EGFR: variants seen among roughly 807,000 people sequenced by gnomAD.
The protein encoded by EGFR is avian erythroblastic leukemia viral (v-erb-b) oncogene homolog.
In EGFR, 58 loss-of-function variants were observed where a neutral mutation model predicts 143.0. The observed-to-expected ratio is 0.41, with a 90% CI of 0.33 to 0.50. The LOEUF (loss-of-function observed/expected upper bound fraction) is 0.50. EGFR is among the 20% of genes least tolerant of loss of function. The pLI is 0.39. For synonymous variants in EGFR, 613 were observed against 594.4 expected, an observed-to-expected ratio of 1.03 and a Z score of -0.45; for missense variants, 1,307 against 1,579.0, an observed-to-expected ratio of 0.83 and a Z score of 2.92.
chr7:55,078,955 C>T (rs949179621), intron 1 of EGFR, among the ~76,000 whole-genome samples: 1 of 152,186 alleles, frequency 6.6e-6, no homozygotes, highest in African/African-American at 2.4e-5. Context: ...ACCTCTTTCC[C>T]CACCCCAGGG....
chr7:55,091,890 A>ACACACACCCC (rs1343006974), intron 1 of EGFR, among the ~76,000 whole-genome samples: 1 of 96,640 alleles, frequency 1.0e-5, no homozygotes, highest in Non-Finnish European at 2.2e-5. Context: ...ACACACACAC[A>ACACACACCCC]CCCTGAGAGA....
intron 1 of EGFR, among the ~76,000 whole-genome samples, chr7:55,046,179 G>A (rs1465170366): frequency 3.3e-5 from 5 of 152,070 alleles, no homozygotes; most frequent in South Asian, 4.2e-4. Flanking sequence ...GAAACATGTC[G>A]CATGCTCTTT....
chr7:55,027,639 T>G (rs758529249), intron 1 of EGFR, among the ~76,000 whole-genome samples: 4 of 152,170 alleles, frequency 2.6e-5, no homozygotes, highest in Non-Finnish European at 4.4e-5. Flanking sequence ...ACAGCACAAT[T>G]TTCCCTAAAA....
chr7:55,143,447 A>C lies in EGFR; in HGVS notation c.383A>C (p.Asn128Thr). The change falls in exon 3 of 28, where the codon AAT (asparagine) becomes ACT (threonine). Residue 128 changes from asparagine (N) to threonine (T), a missense_variant. By Grantham distance (65) the Asn-to-Thr change is moderately conservative. This residue lies in a region of EGFR where 311 missense variants were observed against 412.3 expected (regional missense o/e 0.75). Transcript: ENST00000275493. ...ALAVLSNYDA[N>T]KTGLKELPMR... The stretch of plus-strand genomic sequence containing the variant: ...GCAGTCTTATCTAACTATGATGCAA[A>C]TAAAACCGGACTGAAGGAGCTGCCC... 1 of 1,614,248 alleles carries C rather than the reference A, an allele frequency of 6.2e-7. No homozygotes were observed. The highest frequency in any genetic ancestry group is 1.3e-5 in the African/African-American group (1 of 75,060).
chr7:55,037,474 C>T (rs530367752), intron 1 of EGFR, among the ~76,000 whole-genome samples: 11 of 152,306 alleles, frequency 7.2e-5, no homozygotes, highest in South Asian at 2.1e-4. Context: ...TTAAGCATAA[C>T]GTAGCTTTGC....
intron 1 of EGFR, among the ~76,000 whole-genome samples, chr7:55,113,450 C>A (rs1216941520): frequency 2.0e-5 from 3 of 152,152 alleles, no homozygotes. Flanking sequence ...CAGCAATTCC[C>A]CTCTCCCATG....
At chr7:55,151,271 C>T (rs2128932382) in intron 4 of EGFR, 23 bp from the exon 5 acceptor site, 1 of 1,612,376 alleles carries the variant, frequency 6.2e-7, no homozygotes, top group Non-Finnish European at 8.5e-7. Context: ...CTGAGATATG[C>T]ATCTATTACT....
intron 1 of EGFR, among the ~76,000 whole-genome samples, chr7:55,084,883 C>G (rs1790664247): frequency 6.6e-6 from 1 of 152,166 alleles, no homozygotes; most frequent in Admixed American, 6.5e-5. Context: ...CAGGGCTCAC[C>G]TGCTGTCTTC....
Position 55,118,497 on chromosome 7 carries a change from C to T in EGFR, c.89-23789C>T, listed in dbSNP as rs558464190. ...GGACCAGCCTCTGAACACATTTCTC[C>T]CCCACTCCCCGGCTGTGTGGAAGGT... is the stretch of plus-strand genomic sequence containing the variant. On this transcript the variant is annotated intron_variant, in intron 1 of 27. Transcript: ENST00000275493. 1.6e-4 allele frequency among the ~76,000 whole-genome samples: 24 copies of T among 152,248 alleles called. 1 individual carries two copies. The South Asian group carries it at 3.9e-3, about 25-fold the overall frequency.
At chr7:55,185,216 A>G (rs894600013) in intron 20 of EGFR, among the ~76,000 whole-genome samples, 2 of 152,208 alleles carry the variant, frequency 1.3e-5, no homozygotes, top group African/African-American at 2.4e-5. Flanking sequence ...CATGAGAGAG[A>G]CATCCCTTGC....
intron 20 of EGFR, among the ~76,000 whole-genome samples, chr7:55,190,413 G>C (rs530862248): frequency 6.6e-6 from 1 of 152,098 alleles, no homozygotes; most frequent in South Asian, 2.1e-4. Flanking sequence ...ATCTTTGCGA[G>C]ACCCTAGGTT....
At chr7:55,116,321 G>C (rs1259541728) in intron 1 of EGFR, among the ~76,000 whole-genome samples, 1 of 152,080 alleles carries the variant, frequency 6.6e-6, no homozygotes, top group Non-Finnish European at 1.5e-5. Context: ...TCCCACCCCT[G>C]GCCGCTGTCC....
intron 3 of EGFR, 55 bp from the exon 4 acceptor site, chr7:55,146,551 A>G (rs944373479): frequency 1.7e-5 from 28 of 1,611,894 alleles, no homozygotes; most frequent in Admixed American, 1.3e-4. Flanking sequence ...TGCATCCTTC[A>G]TGGGAATTTA....
chr7:55,181,499 C>A, intron 20 of EGFR, 21 bp downstream of exon 20: 1 of 1,614,096 alleles, frequency 6.2e-7, no homozygotes, highest in African/African-American at 1.3e-5. Flanking sequence ...AAGGGAGATA[C>A]GGGGAGGGGA....
intron 1 of EGFR, among the ~76,000 whole-genome samples, chr7:55,116,077 A>G (rs1792824384): frequency 6.6e-6 from 1 of 152,216 alleles, no homozygotes. Context: ...AACCTTACTC[A>G]TTTTAATACC....
At chr7:55,149,607 C>T (rs537202087) in intron 4 of EGFR, among the ~76,000 whole-genome samples, 58 of 152,206 alleles carry the variant, frequency 3.8e-4, no homozygotes, top group Non-Finnish European at 6.9e-4. Context: ...TGGCAATATG[C>T]CTGCAATATG....
chr7:55,038,507 C>T lies in EGFR; in HGVS notation c.88+19142C>T, dbSNP rs950211681. Among the ~76,000 whole-genome samples the T allele has an allele frequency of 1.4e-4, 22 of 152,310 alleles. No individual in the cohort carries two copies. In the South Asian group the frequency reaches 3.7e-3, roughly 26 times the overall value. On this transcript the variant is annotated intron_variant, in intron 1 of 27. Coordinates refer to ENST00000275493, the MANE Select transcript of EGFR (RefSeq NM_005228.5). ...ACTGTGTGCTTGTGGGATGCAAACA[C>T]ACGTGTGGTCCCTGCCCTCAGGTTA...
At chr7:55,042,569 G>A (rs975287616) in intron 1 of EGFR, among the ~76,000 whole-genome samples, 2 of 152,090 alleles carry the variant, frequency 1.3e-5, no homozygotes, top group Non-Finnish European at 2.9e-5. Flanking sequence ...GCATGGATGT[G>A]GGAAAAAGTC....
At chr7:55,156,416 G>A in intron 8 of EGFR, 117 bp from the exon 9 acceptor site, 1 of 1,411,056 alleles carries the variant, frequency 7.1e-7, no homozygotes, top group South Asian at 1.2e-5. Flanking sequence ...GAAGGATGAT[G>A]TGGCAGTGGC....
Sources: allele counts gnomAD v4.1 joint callset (sites outside exome capture counted in the v4.1 genomes callset), GRCh38; gene constraint gnomAD v4.1.1; regional missense constraint gnomAD v4.1.1; transcripts MANE v1.5; gene names NCBI Gene and HGNC (gene_info 2026-07-23, HGNC 2026-07-21).